The following STK33 variants were observed in gnomAD, a reference collection of about 807,000 sequenced individuals.
The protein encoded by STK33 is serine/threonine kinase 33.
In STK33, 52 loss-of-function variants were observed where a neutral mutation model predicts 58.0. The observed-to-expected ratio is 0.90, with a 90% confidence interval of 0.72 to 1.13. STK33 has a LOEUF of 1.13. Ranked by LOEUF, STK33 falls within the 50% of genes most tolerant of loss-of-function variation. The probability of loss-of-function intolerance (pLI) is 0.00; values close to 1 mark genes in which losing one functional copy is unlikely to be tolerated. For synonymous variants in STK33, 215 were observed against 200.1 expected (o/e 1.07, Z -0.63); for missense variants, 630 against 604.2 (o/e 1.04, Z -0.45).
chr11:8,504,984 C>T (rs1316447152), intron 1 of STK33, among the ~76,000 whole-genome samples: 1 of 152,206 alleles, frequency 6.6e-6, no homozygotes, highest in African/African-American at 2.4e-5. Context: ...TCATGCACAT[C>T]TCTTCCCAAC....
At chr11:8,482,076 T>G (rs1389334410) in intron 1 of STK33, among the ~76,000 whole-genome samples, 1 of 152,148 alleles carries the variant, frequency 6.6e-6, no homozygotes, top group Non-Finnish European at 1.5e-5. Flanking sequence ...GCCACGTAAT[T>G]TCAAGTAAGA....
At chr11:8,491,717 G>C (rs1036556616) in intron 1 of STK33, among the ~76,000 whole-genome samples, 1 of 152,174 alleles carries the variant, frequency 6.6e-6, no homozygotes, top group Non-Finnish European at 1.5e-5. Flanking sequence ...TACTCACAAA[G>C]GGAAGCCCAT....
rs144509024 is a variant in STK33, at chr11:8,532,879, A to T, written c.-465-52265T>A. 4.9e-3 allele frequency among the ~76,000 whole-genome samples: 741 copies of T among 152,346 alleles called. 4 individuals are homozygous for T. The highest frequency in any genetic ancestry group is 0.017 in the African/African-American group (693 of 41,588). On this transcript the variant is annotated intron_variant, in intron 1 of 15. Transcript: ENST00000687296. ...ATGCACCCATTTTTAACTGCACCATAAACAATATATCAGATTTTGCTCCAA... is the reference window on the plus strand; with the variant it reads ...ATGCACCCATTTTTAACTGCACCATTAACAATATATCAGATTTTGCTCCAA...
At chr11:8,473,432 A>T (rs534370256) in intron 5 of STK33, among the ~76,000 whole-genome samples, 156 bp from the exon 6 acceptor site, 13 of 152,324 alleles carry the variant, frequency 8.5e-5, no homozygotes, top group East Asian at 3.9e-4. Flanking sequence ...TCTAAGCCCT[A>T]TGCAATTCAT....
rs150911630 is a variant in STK33, at chr11:8,545,506, A to T, written c.-466+48577T>A. 6.2e-3 allele frequency among the ~76,000 whole-genome samples: 942 copies of T among 152,322 alleles called. 8 individuals are homozygous for T. The highest frequency in any genetic ancestry group is 0.021 in the African/African-American group (880 of 41,578). On this transcript the variant is annotated intron_variant, in intron 1 of 15. Transcript: ENST00000687296. The stretch of plus-strand genomic sequence containing the variant: ...ATGTTACAAAGTATTTATATGCATA[A>T]CAGTCCCCTGAATGCGTTTGTTTAA...
At chr11:8,549,103 T>C (rs76144652) in intron 1 of STK33, among the ~76,000 whole-genome samples, 8,522 of 152,212 alleles carry the variant, frequency 0.056, 317 homozygotes, top group Non-Finnish European at 0.075. Flanking sequence ...TTATTAGCTG[T>C]GGTTTGGTCA....
intron 1 of STK33, among the ~76,000 whole-genome samples, chr11:8,551,698 G>C (rs1332167321): frequency 6.6e-6 from 1 of 152,072 alleles, no homozygotes; most frequent in East Asian, 1.9e-4. Flanking sequence ...AACTTGTAGG[G>C]AGCATCAGAA....
At chr11:8,559,949 A>G (rs1313256900) in intron 1 of STK33, among the ~76,000 whole-genome samples, 1 of 151,998 alleles carries the variant, frequency 6.6e-6, no homozygotes, top group Non-Finnish European at 1.5e-5. Context: ...CCATTTTTTC[A>G]TTATCCATAT....
At chr11:8,576,077 G>A (rs763453161) in intron 1 of STK33, among the ~76,000 whole-genome samples, 24 of 152,060 alleles carry the variant, frequency 1.6e-4, no homozygotes, top group Non-Finnish European at 3.1e-4. Context: ...ATGTTTACAG[G>A]ATGCTGTGCC....
chr11:8,532,382 A>G (rs745964414), intron 1 of STK33, among the ~76,000 whole-genome samples: 11 of 152,234 alleles, frequency 7.2e-5, no homozygotes, highest in African/African-American at 2.7e-4. Flanking sequence ...TTGCACTACA[A>G]TGGCAGGGTT....
At chr11:8,348,060 C>T in the STK33 span, among the ~76,000 whole-genome samples, 1 of 152,206 alleles carries the variant, frequency 6.6e-6, no homozygotes, top group Admixed American at 6.5e-5. Context: ...GGCCCCAACC[C>T]CATCTGGGTG....
chr11:8,568,805 T>G (rs1005896810), intron 1 of STK33, among the ~76,000 whole-genome samples: 3 of 152,174 alleles, frequency 2.0e-5, no homozygotes, highest in African/African-American at 7.2e-5. Flanking sequence ...CAGACCTTAA[T>G]GGATTATGTG....
chr11:8,555,652 G>A (rs191686951), intron 1 of STK33, among the ~76,000 whole-genome samples: 10 of 151,944 alleles, frequency 6.6e-5, no homozygotes, highest in East Asian at 1.9e-4. Context: ...GTGACAGAGC[G>A]AGACTCCATC....
In STK33 at chr11:8,560,282, T is replaced by C. The variant is rs150458856; in HGVS notation, c.-466+33801A>G. On this transcript the variant is annotated intron_variant, in intron 1 of 15. Transcript: ENST00000687296. ...TGTCATTAGATATTTTTGAACTTTT[T>C]CATCTTTCTCAATTTGATAAATGAA... is the stretch of plus-strand genomic sequence containing the variant. 6.5e-3 allele frequency among the ~76,000 whole-genome samples: 987 copies of C among 152,282 alleles called. 11 individuals carry two copies. The highest frequency in any genetic ancestry group is 0.022 in the African/African-American group (896 of 41,570).
chr11:8,378,727 G>T, the STK33 span, among the ~76,000 whole-genome samples: 1 of 152,068 alleles, frequency 6.6e-6, no homozygotes, highest in African/African-American at 2.4e-5. Context: ...CTGAAAGTAA[G>T]CTACAGATTC....
chr11:8,363,176 C>T, the STK33 span, among the ~76,000 whole-genome samples: 3 of 152,050 alleles, frequency 2.0e-5, no homozygotes, highest in Admixed American at 6.5e-5. Context: ...CCAGGAGGGC[C>T]GGATTACTGG....
the STK33 span, among the ~76,000 whole-genome samples, chr11:8,368,150 C>T: frequency 6.6e-6 from 1 of 152,164 alleles, no homozygotes; most frequent in African/African-American, 2.4e-5. Context: ...CTTCAAAAAC[C>T]TCAGTATAGT....
chr11:8,374,519 A>AAG, the STK33 span, among the ~76,000 whole-genome samples: 1 of 152,004 alleles, frequency 6.6e-6, no homozygotes, highest in African/African-American at 2.4e-5. Flanking sequence ...CTGGCAGAGA[A>AAG]AGAGAGAGAG....
chr11:8,515,580 C>T (rs2100066), intron 1 of STK33, among the ~76,000 whole-genome samples: 13,622 of 152,112 alleles, frequency 0.09, 1,399 homozygotes, highest in African/African-American at 0.26. Flanking sequence ...TGTAAAAATT[C>T]TCAACAAAAC....
Sources: allele counts gnomAD v4.1 joint callset (sites outside exome capture counted in the v4.1 genomes callset), GRCh38; gene constraint gnomAD v4.1.1; transcripts MANE v1.5; gene names NCBI Gene and HGNC (gene_info 2026-07-23, HGNC 2026-07-21).